NOTCH1: variants seen among roughly 807,000 people sequenced by gnomAD.
The protein encoded by NOTCH1 is neurogenic locus notch homolog protein 1.
A neutral mutation model predicts 254.8 loss-of-function variants in NOTCH1; 37 were observed. The observed-to-expected ratio is 0.15, with a 90% CI of 0.11 to 0.19. The LOEUF is 0.19. Among genes scored for constraint, NOTCH1 ranks in the 10% least tolerant of loss-of-function variants. The pLI is 1.00. For missense variants in NOTCH1, 2,972 were observed against 3,708.6 expected (o/e 0.80, Z 5.16); for synonymous variants, 1,731 against 1,618.1 (o/e 1.07, Z -1.68).
At chr9:136,517,155 C>T (rs1843287732) in intron 9 of NOTCH1, 117 bp downstream of exon 9, 8 of 686,284 alleles carry the variant, frequency 1.2e-5, no homozygotes, top group South Asian at 6.9e-5. Context: ...GGCCCTCACC[C>T]CTCAGGAGGC....
Position 136,506,455 on chromosome 9 carries a change from C to T in NOTCH1, c.4014+72G>A, listed in dbSNP as rs1473375586. 9 of 1,359,188 alleles carry T rather than the reference C, an allele frequency of 6.6e-6. No homozygotes were observed. Among genetic ancestry groups the T allele is most frequent in the African/African-American group, 4.3e-5 (3 of 69,544 alleles). 84.2% of individuals were successfully genotyped at this position (1,359,188 alleles called of 1,614,324 possible). A position where few individuals can be genotyped will look rare whatever the true frequency, so the allele number is the denominator to read the frequency against. The stretch of plus-strand genomic sequence containing the variant: ...GAGGATCACTGCCCGGTCTGCGCCC[C>T]GAGGCCCCCACGTGGACCTCTCCAG... On this transcript the variant is annotated intron_variant, in intron 24 of 33. Transcript: ENST00000651671. This position sits in a 1 kb window ranked among gnomAD's most constrained non-coding sequence, Gnocchi z 4.5.
In NOTCH1 at chr9:136,511,225, G is replaced by A. The variant is rs1554728839; in HGVS notation, c.2514C>T (p.Cys838=). Residue 838 remains cysteine, a synonymous_variant, in exon 16 of 34, where the codon TGC becomes TGT. Coordinates refer to ENST00000651671, the MANE Select transcript of NOTCH1 (RefSeq NM_017617.5). ...VVLAPCAPSP[C]RNGGECRQSE... ...ATTGCCTGCACTCCCCGCCGTTTCTGCAGGGGCTGGGGGCACACGGGGCCA... is the reference window on the plus strand; with the variant it reads ...ATTGCCTGCACTCCCCGCCGTTTCTACAGGGGCTGGGGGCACACGGGGCCA... The A allele has an allele frequency of 3.7e-6, 6 of 1,612,740 alleles. No individual in the cohort carries two copies. Among genetic ancestry groups the A allele is most frequent in the Non-Finnish European group, 5.1e-6 (6 of 1,179,996 alleles).
In NOTCH1 at chr9:136,506,421, G is replaced by T. The variant is rs2133342070; in HGVS notation, c.4014+106C>A. ...AAGACATCAGGGTGAGGAGGAGGATGAAGGCCGGGAGGATCACTGCCCGGT... is the reference window on the plus strand; with the variant it reads ...AAGACATCAGGGTGAGGAGGAGGATTAAGGCCGGGAGGATCACTGCCCGGT... On this transcript the variant is annotated intron_variant, in intron 24 of 33. Transcript: ENST00000651671. This position sits in a 1 kb window ranked among gnomAD's most constrained non-coding sequence, Gnocchi z 4.5. 9 of 852,480 alleles carry T rather than the reference G, an allele frequency of 1.1e-5. No homozygotes were observed. Among genetic ancestry groups the T allele is most frequent in the Non-Finnish European group, 1.7e-5 (9 of 539,298 alleles). The allele number at this position is 852,480 out of a possible 1,614,324, so 52.8% of individuals were successfully genotyped here.
chr9:136,545,662 C>T lies in NOTCH1; in HGVS notation c.61+64G>A. The T allele has an allele frequency of 5.4e-6, 7 of 1,290,750 alleles. No homozygotes were observed. The highest frequency in any genetic ancestry group is 7.1e-6 in the Non-Finnish European group (7 of 980,210). 80.0% of individuals were successfully genotyped at this position (1,290,750 alleles called of 1,614,324 possible). A position where few individuals can be genotyped will look rare whatever the true frequency, so the allele number is the denominator to read the frequency against. ...GCTCCCAGCCGTGGGGCGCGCGCGCCGGGCGCCGCCAAAGTTTCCAAAGGG... is the reference window on the plus strand; with the variant it reads ...GCTCCCAGCCGTGGGGCGCGCGCGCTGGGCGCCGCCAAAGTTTCCAAAGGG... On this transcript the variant is annotated intron_variant, in intron 1 of 33. Transcript: ENST00000651671. The surrounding 1 kb of genome is among the most constrained non-coding windows in gnomAD (Gnocchi z 6.8).
rs1465354108 is a variant in NOTCH1, at chr9:136,497,007, G to A, written c.6732C>T (p.Ile2244=). ...LPGMPDTHLG[I]GHLNVAAKPE... is the part of the protein sequence containing the mutation. ...GCTTGGCCGCCACGTTCAGGTGCCC[G>A]ATGCCCAGGTGGGTGTCGGGCATCC... The change falls in exon 34 of 34, where the codon ATC becomes ATT. Residue 2244 remains isoleucine, a synonymous_variant. Transcript: ENST00000651671. The A allele has an allele frequency of 3.1e-6, 5 of 1,609,856 alleles. No individual in the cohort carries two copies. Among genetic ancestry groups the A allele is most frequent in the African/African-American group, 1.3e-5 (1 of 74,870 alleles).
At chr9:136,521,515 A>G (rs1459387477) in intron 4 of NOTCH1, among the ~76,000 whole-genome samples, 1 of 152,072 alleles carries the variant, frequency 6.6e-6, no homozygotes, top group African/African-American at 2.4e-5. Flanking sequence ...GGCCTTGGAC[A>G]AGGCCGCACA....
rs189690054 is a variant in NOTCH1 at position 136,527,952 on chromosome 9, C to A, written c.141-3973G>T. ...CACTGTGCCACTCCCACCCTCCCTG[C>A]CAGGGCCGCTCCATGGAAATGCGAC... On this transcript the variant is annotated intron_variant, in intron 2 of 33. Transcript: ENST00000651671. 2.9e-3 allele frequency among the ~76,000 whole-genome samples: 440 copies of A among 152,288 alleles called. 2 individuals are homozygous for A. Among genetic ancestry groups the A allele is most frequent in the African/African-American group, 9.4e-3 (391 of 41,560 alleles).
chr9:136,521,971 TCTTCA>T (rs1399676149), intron 4 of NOTCH1, among the ~76,000 whole-genome samples: 1 of 150,070 alleles, frequency 6.7e-6, no homozygotes, highest in Admixed American at 6.6e-5. Flanking sequence ...TTCTTTTTTC[TCTTCA>T]CTTTTTTTTT....
intron 2 of NOTCH1, among the ~76,000 whole-genome samples, chr9:136,539,311 C>A (rs1843698548): frequency 6.6e-6 from 1 of 152,272 alleles, no homozygotes; most frequent in Admixed American, 6.5e-5. Flanking sequence ...AGTCTCCGCC[C>A]CAGGCCTTCC....
intron 26 of NOTCH1, among the ~76,000 whole-genome samples, chr9:136,504,358 G>A (rs1228861131): frequency 2.0e-5 from 3 of 152,238 alleles, no homozygotes; most frequent in East Asian, 1.9e-4. Context: ...TTTAATCAGT[G>A]TAGTATCCAG....
At position 136,510,013 on chromosome 9, in the gene NOTCH1, G is replaced by A. The variant is rs977818768; in HGVS notation, c.2741-52C>T. On this transcript the variant is annotated intron_variant, in intron 17 of 33. Transcript: ENST00000651671. Reference sequence around the variant, plus strand: ...GAGGGGCAGGCACAAACCCACACCTGCGGGAGGGGGCCGGGAAGGCTGCAT... The same window carrying A: ...GAGGGGCAGGCACAAACCCACACCTACGGGAGGGGGCCGGGAAGGCTGCAT... The A allele has an allele frequency of 2.0e-6, 3 of 1,530,958 alleles. No homozygotes were observed. The African/African-American group carries it at 4.1e-5, about 21-fold the overall frequency. The allele number at this position is 1,530,958 out of a possible 1,614,324, so 94.8% of individuals were successfully genotyped here.
At chr9:136,527,411 A>C (rs1302072540) in intron 2 of NOTCH1, among the ~76,000 whole-genome samples, 1 of 151,730 alleles carries the variant, frequency 6.6e-6, no homozygotes, top group Non-Finnish European at 1.5e-5. Context: ...GTGGGCCGCG[A>C]GGTGGGCGCC....
At position 136,517,276 on chromosome 9, in the gene NOTCH1, G is replaced by A. The variant is rs755821306; in HGVS notation, c.1551C>T (p.Pro517=). ...GGGGGCGGGGGTGGCCCTCACCCGT[G>A]GGGCACTCGCACTGGAACTCATTGA... ...DKINEFQCEC[P]TGFTGHLCQY... Residue 517 remains proline, a synonymous_variant, in exon 9 of 34, where the codon CCC becomes CCT. Coordinates refer to ENST00000651671, the MANE Select transcript of NOTCH1 (RefSeq NM_017617.5). 2 of 1,595,272 alleles carry A rather than the reference G, an allele frequency of 1.3e-6. No individual in the cohort carries two copies. Among genetic ancestry groups the A allele is most frequent in the Non-Finnish European group, 1.7e-6 (2 of 1,169,480 alleles).
At chr9:136,520,242 G>A (rs564881061) in intron 4 of NOTCH1, among the ~76,000 whole-genome samples, 1 of 152,142 alleles carries the variant, frequency 6.6e-6, no homozygotes, top group East Asian at 1.9e-4. Context: ...ACCTGCAGCC[G>A]GTTACTAATT....
chr9:136,523,387 C>T (rs1028779134), intron 3 of NOTCH1, among the ~76,000 whole-genome samples, 199 bp from the exon 4 acceptor site: 8 of 152,234 alleles, frequency 5.3e-5, no homozygotes, highest in Non-Finnish European at 8.8e-5. Context: ...GAGCCTGGGC[C>T]GTCTCTTCCC....
chr9:136,501,191 G>C (rs1033439561), intron 30 of NOTCH1, among the ~76,000 whole-genome samples: 5 of 152,190 alleles, frequency 3.3e-5, no homozygotes, highest in African/African-American at 7.2e-5. Context: ...CCTAGCACTG[G>C]GGGAGGCCGA....
In NOTCH1 at chr9:136,530,593, G is replaced by A. The variant is rs762216668; in HGVS notation, c.141-6614C>T. On this transcript the variant is annotated intron_variant, in intron 2 of 33. Coordinates refer to ENST00000651671, the MANE Select transcript of NOTCH1 (RefSeq NM_017617.5). ...AACTAGGTGTCACCAAAGTGCCCCC[G>A]CAGGCTGTTTGGAGTGTGAAAAACG... Among the ~76,000 whole-genome samples, 292 of 151,250 alleles carry A rather than the reference G, an allele frequency of 1.9e-3. 1 individual carries two copies. Among genetic ancestry groups the A allele is most frequent in the Non-Finnish European group, 2.7e-3 (184 of 67,798 alleles).
In NOTCH1 at chr9:136,500,792, G is replaced by A. The variant is rs1842983158; in HGVS notation, c.5694C>T (p.Gly1898=). The A allele has an allele frequency of 3.7e-6, 6 of 1,601,198 alleles. No homozygotes were observed. The East Asian group carries it at 1.3e-4, about 36-fold the overall frequency. The change falls in exon 31 of 34, where the codon GGC becomes GGT. Residue 1898 remains glycine (G), a synonymous_variant. Transcript: ENST00000651671. Reference sequence around the variant, plus strand: ...GCGCGTCCTCCTCTTCCTCGCTGTTGCCCGTCTCCAGGCCGCCCCCGCTGC... The same window carrying A: ...GCGCGTCCTCCTCTTCCTCGCTGTTACCCGTCTCCAGGCCGCCCCCGCTGC... ...ASCSGGGLET[G]NSEEEEDAPA...
At position 136,506,688 on chromosome 9, in the gene NOTCH1, GCCCCACCCGCC is replaced by G; in HGVS notation, c.3901+17_3901+27del. ...AGAGGCTCACCCTGCTGCCCCACAC[GCCCCACCCGCC>G]TGGGCGCGGCACCCACCGGTGTGAC... On this transcript the variant is annotated intron_variant, in intron 23 of 33. Coordinates refer to ENST00000651671, the MANE Select transcript of NOTCH1 (RefSeq NM_017617.5). This position sits in a 1 kb window ranked among gnomAD's most constrained non-coding sequence, Gnocchi z 4.5. The G allele has an allele frequency of 6.3e-7, 1 of 1,595,620 alleles. No homozygotes were observed. The highest frequency in any genetic ancestry group is 8.5e-7 in the Non-Finnish European group (1 of 1,171,936).
Sources: gnomAD v4.1 joint callset for allele counts (sites outside exome capture counted in the v4.1 genomes callset) on GRCh38, gnomAD v4.1.1 for gene constraint, Gnocchi (gnomAD v3.1) non-coding constraint, MANE v1.5 for transcripts, NCBI Gene and HGNC (gene_info 2026-07-23, HGNC 2026-07-21) for gene names.